Variants in CEP192 observed in about 807,000 individuals in gnomAD.
The protein encoded by CEP192 is centrosomal protein of 192 kDa.
In CEP192, 151 loss-of-function variants were observed where a neutral mutation model predicts 271.8. The observed-to-expected ratio is 0.56, with a 90% CI of 0.49 to 0.64. CEP192 has a LOEUF of 0.64. Ranked by LOEUF, CEP192 falls within the 30% of genes least tolerant of loss-of-function variation. The pLI is 0.00. For synonymous variants in CEP192, 995 were observed against 1,076.5 expected, an observed-to-expected ratio of 0.92 and a Z score of 1.48; for missense variants, 2,910 against 3,020.5, an observed-to-expected ratio of 0.96 and a Z score of 0.86.
chr18:12,995,264 C>T (rs2033152486), intron 1 of CEP192, among the ~76,000 whole-genome samples: 1 of 151,760 alleles, frequency 6.6e-6, no homozygotes, highest in South Asian at 2.1e-4. Context: ...CGGGGTTTCA[C>T]CGTGTTAGCC....
At chr18:13,072,065 A>G (rs1028693712) in intron 28 of CEP192, among the ~76,000 whole-genome samples, 12 of 152,188 alleles carry the variant, frequency 7.9e-5, no homozygotes, top group Admixed American at 1.3e-4. Context: ...GGAGATGTCA[A>G]TAGCCAAAGT....
intron 32 of CEP192, chr18:13,089,054 G>A: frequency 3.8e-6 from 1 of 265,642 alleles, no homozygotes; most frequent in South Asian, 3.9e-5. Context: ...TCTCACCTCA[G>A]ATTCTCTGGA....
At position 13,056,356 on chromosome 18, in the gene CEP192, C is replaced by T; in HGVS notation, c.3766C>T (p.Leu1256Phe). The T allele has an allele frequency of 1.2e-6, 2 of 1,614,236 alleles. No homozygotes were observed. The highest frequency in any genetic ancestry group is 1.7e-6 in the Non-Finnish European group (2 of 1,180,042). The stretch of plus-strand genomic sequence containing the variant: ...GCACGCACTCTTGACACAACCCTCT[C>T]TCAGCGCTGCTCCTTTTGCTCAGCG... ...AVHALLTQPS[L>F]SAAPFAQRYL... The change falls in exon 19 of 45, where the codon CTC becomes TTC. Residue 1256 changes from leucine to phenylalanine, a missense_variant. Transcript: ENST00000506447.
At chr18:13,084,882 C>T (rs1037784150) in intron 30 of CEP192, among the ~76,000 whole-genome samples, 12 of 151,582 alleles carry the variant, frequency 7.9e-5, no homozygotes, top group African/African-American at 1.9e-4. Context: ...GGTACAATCT[C>T]GGCTCACTGC....
chr18:13,053,997 A>G (rs942251198), intron 18 of CEP192, among the ~76,000 whole-genome samples: 1 of 152,028 alleles, frequency 6.6e-6, no homozygotes, highest in Non-Finnish European at 1.5e-5. Context: ...TGGCTAATTA[A>G]AACAAATTTT....
intron 30 of CEP192, among the ~76,000 whole-genome samples, chr18:13,078,156 A>T (rs760599909): frequency 1.3e-5 from 2 of 151,216 alleles, no homozygotes; most frequent in African/African-American, 4.9e-5. Flanking sequence ...TTGTTGTTCA[A>T]CTCCCATTTA....
In CEP192 at chr18:13,114,138, A is replaced by G; in HGVS notation, c.7176A>G (p.Glu2392=). The G allele has an allele frequency of 5.6e-6, 9 of 1,613,450 alleles. No homozygotes were observed. Among genetic ancestry groups the G allele is most frequent in the Non-Finnish European group, 7.6e-6 (9 of 1,179,856 alleles). The change falls in exon 42 of 45, where the codon GAA becomes GAG. Residue 2392 remains glutamate (E), a synonymous_variant. Coordinates refer to ENST00000506447, the MANE Select transcript of CEP192 (RefSeq NM_032142.4). Reference sequence around the variant, plus strand: ...GTGATTTTTCTGTATAGAGCATCGAAGCAGAAAATGAGCCTGAAAACGCAT... The same window carrying G: ...GTGATTTTTCTGTATAGAGCATCGAGGCAGAAAATGAGCCTGAAAACGCAT... ...LRFQLSGQSI[E]AENEPENACL...
In CEP192 at chr18:13,095,499, T is replaced by A. The variant is rs796479344; in HGVS notation, c.6255-4T>A. On this transcript the variant is annotated splice_region_variant and splice_polypyrimidine_tract_variant and intron_variant, in intron 34 of 44. Coordinates refer to ENST00000506447, the MANE Select transcript of CEP192 (RefSeq NM_032142.4). ...AACTTTTTCATTTTTAAATAATTTT[T>A]TAGCGACTTGGGAGCTTCTGGGAAA... 6.3e-7 allele frequency: 1 copy of A among 1,587,810 alleles called. No homozygotes were observed. Among genetic ancestry groups the A allele is most frequent in the African/African-American group, 1.4e-5 (1 of 73,256 alleles).
chr18:13,014,942 A>G (rs2034557181), intron 5 of CEP192, among the ~76,000 whole-genome samples: 1 of 152,162 alleles, frequency 6.6e-6, no homozygotes. Context: ...TTTCCAATGT[A>G]ATGGTGCAAA....
chr18:13,013,576 G>A (rs758415576), intron 5 of CEP192, among the ~76,000 whole-genome samples: 107 of 152,288 alleles, frequency 7.0e-4, no homozygotes, highest in Non-Finnish European at 1.2e-3. Context: ...GTTGGGATGA[G>A]CCTGGATCTA....
At chr18:13,014,377 G>A (rs1008944555) in intron 5 of CEP192, among the ~76,000 whole-genome samples, 8 of 152,142 alleles carry the variant, frequency 5.3e-5, no homozygotes, top group Non-Finnish European at 1.0e-4. Context: ...CTGCTACTGC[G>A]TGTAGGTCTC....
intron 3 of CEP192, among the ~76,000 whole-genome samples, chr18:13,007,547 T>C (rs1356859319): frequency 6.6e-6 from 1 of 152,170 alleles, no homozygotes; most frequent in Non-Finnish European, 1.5e-5. Context: ...CTCTTTTCCT[T>C]TCTGTCCTTG....
At chr18:13,053,142 G>A (rs752432979) in intron 18 of CEP192, 52 bp downstream of exon 18, 11 of 1,404,278 alleles carry the variant, frequency 7.8e-6, no homozygotes, top group Non-Finnish European at 9.7e-6. Flanking sequence ...TCTTAAAAGT[G>A]TTAACAGATG....
Position 13,028,472 on chromosome 18 carries a change from C to G in CEP192, c.1051-1191C>G, listed in dbSNP as rs1054985142. ...GTATTTTTTCCTAGTACTCTTATAT[C>G]TAAATCTTTAAGTCATCTGGAATTT... On this transcript the variant is annotated intron_variant, in intron 9 of 44. Coordinates refer to ENST00000506447, the MANE Select transcript of CEP192 (RefSeq NM_032142.4). 3.3e-5 allele frequency among the ~76,000 whole-genome samples: 5 copies of G among 152,258 alleles called. No homozygotes were observed. In the South Asian group the frequency reaches 6.2e-4, roughly 19 times the overall value.
intron 1 of CEP192, among the ~76,000 whole-genome samples, chr18:12,993,919 T>C (rs956548506): frequency 1.3e-5 from 2 of 152,232 alleles, no homozygotes; most frequent in African/African-American, 2.4e-5. Context: ...TCAATTTGTA[T>C]TTCCAGTTCT....
intron 36 of CEP192, among the ~76,000 whole-genome samples, 176 bp downstream of exon 36, chr18:13,096,483 C>T (rs939348534): frequency 2.6e-5 from 4 of 152,172 alleles, no homozygotes; most frequent in Admixed American, 6.5e-5. Context: ...GGTAGGCGGT[C>T]TAGTGGAGCA....
At chr18:13,031,234 CTTA>C (rs2035602808) in intron 11 of CEP192, among the ~76,000 whole-genome samples, 1 of 145,684 alleles carries the variant, frequency 6.9e-6, no homozygotes, top group Non-Finnish European at 1.5e-5. Flanking sequence ...CAAGCCTGGC[CTTA>C]TTGTTGTTTT....
intron 15 of CEP192, among the ~76,000 whole-genome samples, chr18:13,043,903 G>T (rs2036337958): frequency 6.6e-6 from 1 of 151,854 alleles, no homozygotes. Context: ...TATATTTATG[G>T]GGTACATGAG....
chr18:13,064,533 A>C (rs1301530863), intron 21 of CEP192, among the ~76,000 whole-genome samples: 3 of 149,606 alleles, frequency 2.0e-5, no homozygotes, highest in African/African-American at 7.4e-5. Flanking sequence ...AATGACGTGA[A>C]CCCGGGAGGC....
Sources: allele counts gnomAD v4.1 joint callset (sites outside exome capture counted in the v4.1 genomes callset), GRCh38; gene constraint gnomAD v4.1.1; transcripts MANE v1.5; gene names NCBI Gene and HGNC (gene_info 2026-07-23, HGNC 2026-07-21).